Variants in CCDC3 observed in about 807,000 individuals in gnomAD.
CCDC3 encodes coiled-coil domain containing 3, also known as coiled-coil domain-containing protein 3.
CCDC3 carries 24 observed loss-of-function variants against 21.4 expected under a neutral mutation model. The ratio of observed to expected loss-of-function variants is 1.12; its 90% CI spans 0.81 to 1.58. The LOEUF (loss-of-function observed/expected upper bound fraction) is 1.58. Ranked by LOEUF, CCDC3 falls within the 40% of genes most tolerant of loss-of-function variation. The pLI, the probability that CCDC3 is intolerant of heterozygous loss-of-function variation, is 0.00. For synonymous variants in CCDC3, 186 were observed against 166.0 expected (o/e 1.12, Z -0.93); for missense variants, 425 against 360.9 (o/e 1.18, Z -1.44).
At chr10:13,048,714 G>T (rs562218) in intron 5 of CCDC3, among the ~76,000 whole-genome samples, 6 of 152,110 alleles carry the variant, frequency 3.9e-5, no homozygotes, top group South Asian at 4.1e-4. Flanking sequence ...CAACTTGGCA[G>T]GTCGCTAGCT....
intron 4 of CCDC3, among the ~76,000 whole-genome samples, chr10:13,054,949 G>T (rs1238330302): frequency 2.0e-5 from 3 of 152,204 alleles, no homozygotes; most frequent in Non-Finnish European, 4.4e-5. Context: ...TTACAGGCGT[G>T]AGCCACTGCA....
exon 2 of CCDC3, chr10:13,099,166 G>A: frequency 6.6e-6 from 1 of 152,432 alleles, no homozygotes; most frequent in Non-Finnish European, 1.5e-5. Context: ...TGGGGCAGTC[G>A]CTGACTTGCT....
intron 2 of CCDC3, among the ~76,000 whole-genome samples, chr10:12,923,774 G>A (rs1834491760): frequency 6.6e-6 from 1 of 152,192 alleles, no homozygotes; most frequent in African/African-American, 2.4e-5. Flanking sequence ...AACTGGGCAG[G>A]TACTCGGTAC....
intron 2 of CCDC3, among the ~76,000 whole-genome samples, chr10:12,899,637 G>A (rs140507006): frequency 0.014 from 2,061 of 152,328 alleles, 22 homozygotes; most frequent in Non-Finnish European, 0.019. Context: ...AGCTCCGTGT[G>A]AATGGTGGTG....
At chr10:12,924,135 GA>G (rs1459580428) in intron 2 of CCDC3, among the ~76,000 whole-genome samples, 2 of 152,212 alleles carry the variant, frequency 1.3e-5, no homozygotes, top group Non-Finnish European at 2.9e-5. Context: ...CCTTCTAAAG[GA>G]AGCTGAGTTA....
intron 2 of CCDC3, among the ~76,000 whole-genome samples, chr10:12,911,559 T>C (rs1006221568): frequency 2.8e-5 from 4 of 140,526 alleles, no homozygotes; most frequent in African/African-American, 9.8e-5. Flanking sequence ...ATTTTAAAAA[T>C]ATTTAAATTG....
At chr10:13,033,563 A>C (rs1445915084) in intron 5 of CCDC3, among the ~76,000 whole-genome samples, 2 of 152,236 alleles carry the variant, frequency 1.3e-5, no homozygotes, top group African/African-American at 4.8e-5. Context: ...CAACCTACAG[A>C]ATGGGAGAAA....
At chr10:12,998,298 C>T in intron 2 of CCDC3, 40 bp downstream of exon 2, 1 of 1,596,874 alleles carries the variant, frequency 6.3e-7, no homozygotes, top group South Asian at 1.1e-5. Context: ...TGTAGCTATA[C>T]TATTGTTTTG....
intron 2 of CCDC3, among the ~76,000 whole-genome samples, chr10:12,914,811 A>G (rs889376207): frequency 1.3e-5 from 2 of 151,768 alleles, no homozygotes; most frequent in Non-Finnish European, 2.9e-5. Context: ...CAAAAAACCA[A>G]CTCTTTATGT....
intron 2 of CCDC3, among the ~76,000 whole-genome samples, chr10:12,929,747 G>T (rs2131225926): frequency 6.6e-6 from 1 of 152,306 alleles, no homozygotes; most frequent in Non-Finnish European, 1.5e-5. Context: ...TTGATTCTAA[G>T]CTGGTCATTA....
rs149019747 is a variant in CCDC3 at position 13,010,663 on chromosome 10, C to T, written c.-1-12151G>A. Among the ~76,000 whole-genome samples, 113 of 152,256 alleles carry T rather than the reference C, an allele frequency of 7.4e-4. 1 individual carries two copies. Among genetic ancestry groups the T allele is most frequent in the Admixed American group, 1.9e-3 (29 of 15,294 alleles). ...CATATAAAGACTCGTATATGAATGG[C>T]GGTAGCAGCTTTATTTGTAGTAGCC... On this transcript the variant is annotated intron_variant, in intron 5 of 6. Coordinates refer to the CCDC3 transcript ENST00000378839.
intron 4 of CCDC3, among the ~76,000 whole-genome samples, chr10:13,064,214 G>A (rs1836796849): frequency 6.6e-6 from 1 of 152,212 alleles, no homozygotes; most frequent in Non-Finnish European, 1.5e-5. Context: ...GTGAGCCACT[G>A]TGCCCGGCCA....
chr10:13,098,092 T>C (rs957480361), intron 3 of CCDC3, among the ~76,000 whole-genome samples: 4 of 151,742 alleles, frequency 2.6e-5, no homozygotes, highest in Non-Finnish European at 5.9e-5. Flanking sequence ...GTCGGGGGAG[T>C]GTGTGTGCAT....
At chr10:13,059,426 C>A (rs1015544676) in intron 4 of CCDC3, among the ~76,000 whole-genome samples, 1 of 152,144 alleles carries the variant, frequency 6.6e-6, no homozygotes, top group African/African-American at 2.4e-5. Context: ...ATTGAGTGAA[C>A]ATCTTGCTAC....
intron 2 of CCDC3, among the ~76,000 whole-genome samples, chr10:12,984,135 G>A (rs1835550925): frequency 6.6e-6 from 1 of 152,138 alleles, no homozygotes; most frequent in African/African-American, 2.4e-5. Context: ...CACAATGGGA[G>A]AAAATGTGTA....
intron 4 of CCDC3, among the ~76,000 whole-genome samples, chr10:13,069,726 T>C (rs956420400): frequency 6.6e-6 from 1 of 152,212 alleles, no homozygotes; most frequent in African/African-American, 2.4e-5. Flanking sequence ...ATTATATTAA[T>C]ATATGTTCCA....
chr10:12,945,261 C>A (rs552209895), intron 2 of CCDC3, among the ~76,000 whole-genome samples: 2 of 152,106 alleles, frequency 1.3e-5, no homozygotes, highest in African/African-American at 4.8e-5. Context: ...AGAAATAATA[C>A]GGGAAACAAC....
intron 5 of CCDC3, among the ~76,000 whole-genome samples, chr10:13,030,764 G>T (rs1034198360): frequency 6.6e-6 from 1 of 152,140 alleles, no homozygotes; most frequent in Non-Finnish European, 1.5e-5. Context: ...TTAAATAATG[G>T]TAAAGGGATC....
chr10:12,976,454 T>C (rs1366519395), intron 2 of CCDC3, among the ~76,000 whole-genome samples: 1 of 152,118 alleles, frequency 6.6e-6, no homozygotes, highest in Non-Finnish European at 1.5e-5. Flanking sequence ...GGCAGAGGGC[T>C]GAGGAGCTGG....
Sources: allele counts gnomAD v4.1 joint callset (sites outside exome capture counted in the v4.1 genomes callset), GRCh38; gene constraint gnomAD v4.1.1; transcripts MANE v1.5; gene names NCBI Gene and HGNC (gene_info 2026-07-23, HGNC 2026-07-21).